LRCH1: variants seen among roughly 807,000 people sequenced by gnomAD.
LRCH1 encodes the protein leucine rich repeats and calponin homology domain containing 1.
A neutral mutation model predicts 94.9 loss-of-function variants in LRCH1; 23 were observed. That is an observed-to-expected ratio of 0.24 (90% CI 0.17 to 0.34). The LOEUF is 0.34. Ranked by LOEUF, LRCH1 falls within the 10% of genes least tolerant of loss-of-function variation. LRCH1 has a pLI of 1.00. For missense variants in LRCH1, 790 were observed against 945.9 expected (o/e 0.84, Z 2.16); for synonymous variants, 364 against 354.9 (o/e 1.03, Z -0.29).
chr13:46,564,142 G>A (rs1352844570), intron 1 of LRCH1, among the ~76,000 whole-genome samples: 1 of 152,244 alleles, frequency 6.6e-6, no homozygotes, highest in African/African-American at 2.4e-5. Context: ...TGAGGGACAT[G>A]CACAGGCCTC....
Position 46,723,215 on chromosome 13 carries a change from T to C in LRCH1, c.1760-6T>C. The C allele has an allele frequency of 9.6e-6, 15 of 1,567,448 alleles. No individual in the cohort carries two copies. Among genetic ancestry groups the C allele is most frequent in the Non-Finnish European group, 1.2e-5 (14 of 1,139,760 alleles). Reference sequence around the variant, plus strand: ...ATAAAGGCTTTTTTTCCCCTTTGTATTGTAGTGTTTCTAAGACCTCAGAGA... The same window carrying C: ...ATAAAGGCTTTTTTTCCCCTTTGTACTGTAGTGTTTCTAAGACCTCAGAGA... On this transcript the variant is annotated splice_polypyrimidine_tract_variant and splice_region_variant and intron_variant, in intron 16 of 19. Transcript: ENST00000389797.
At position 46,553,210 on chromosome 13, in the gene LRCH1, G is replaced by C; in HGVS notation, c.-187G>C. 1 of 570,290 alleles carries C rather than the reference G, an allele frequency of 1.8e-6. No individual in the cohort carries two copies. The highest frequency in any genetic ancestry group is 2.0e-5 in the South Asian group (1 of 50,870). 35.3% of individuals were successfully genotyped at this position (570,290 alleles called of 1,614,324 possible). A position where few individuals can be genotyped will look rare whatever the true frequency, so the allele number is the denominator to read the frequency against. On this transcript the variant is annotated 5_prime_UTR_variant, in exon 1 of 20. Coordinates refer to ENST00000389797, the MANE Select transcript of LRCH1 (RefSeq NM_001164211.2). ...CCGGGGACAGGAAACCTTCAAGACC[G>C]AGCTGCCACGGCCGCCTCCCCGCCC...
intron 15 of LRCH1, among the ~76,000 whole-genome samples, chr13:46,714,210 A>G (rs909184950): frequency 4.7e-4 from 72 of 152,192 alleles, no homozygotes; most frequent in African/African-American, 1.6e-3. Context: ...TGACTAACCA[A>G]TGTGGAAATT....
chr13:46,728,296 A>C (rs1264023114), intron 17 of LRCH1, among the ~76,000 whole-genome samples: 3 of 151,620 alleles, frequency 2.0e-5, no homozygotes, highest in Non-Finnish European at 4.4e-5. Context: ...TCTCACTGCA[A>C]CCTCCGCCTC....
chr13:46,621,883 C>G (rs2050884097), intron 1 of LRCH1, among the ~76,000 whole-genome samples: 1 of 152,136 alleles, frequency 6.6e-6, no homozygotes, highest in Non-Finnish European at 1.5e-5. Context: ...TTGCTTTCAT[C>G]TCTTAATCCT....
intron 1 of LRCH1, among the ~76,000 whole-genome samples, chr13:46,640,578 C>A (rs1009835189): frequency 6.6e-6 from 1 of 152,110 alleles, no homozygotes; most frequent in Non-Finnish European, 1.5e-5. Flanking sequence ...ATATTAGGGA[C>A]CTGGTCAGAG....
intron 1 of LRCH1, among the ~76,000 whole-genome samples, chr13:46,606,050 A>T (rs2050683140): frequency 6.6e-6 from 1 of 152,144 alleles, no homozygotes; most frequent in South Asian, 2.1e-4. Flanking sequence ...GACTCCAAAC[A>T]CAGCTTTCCC....
At chr13:46,557,715 TGCC>T (rs1487506446) in intron 1 of LRCH1, among the ~76,000 whole-genome samples, 1 of 151,846 alleles carries the variant, frequency 6.6e-6, no homozygotes, top group Non-Finnish European at 1.5e-5. Flanking sequence ...TGGTGGCATG[TGCC>T]TGTAATCTCA....
At chr13:46,649,463 G>A (rs958763632) in intron 1 of LRCH1, among the ~76,000 whole-genome samples, 2 of 152,210 alleles carry the variant, frequency 1.3e-5, no homozygotes, top group South Asian at 2.1e-4. Context: ...GTATGATTAC[G>A]CTGCTCTGGG....
At chr13:46,669,325 C>A (rs2051566350) in intron 3 of LRCH1, among the ~76,000 whole-genome samples, 169 bp downstream of exon 3, 2 of 152,170 alleles carry the variant, frequency 1.3e-5, no homozygotes, top group African/African-American at 4.8e-5. Context: ...TTTGAAACTT[C>A]ACTGTGACAG....
intron 3 of LRCH1, among the ~76,000 whole-genome samples, chr13:46,675,678 A>G (rs1010652554): frequency 1.3e-5 from 2 of 152,204 alleles, no homozygotes; most frequent in African/African-American, 4.8e-5. Context: ...GAGGGAGATA[A>G]CAGCGGAGGC....
At chr13:46,729,550 C>CAAA (rs61033499) in intron 18 of LRCH1, among the ~76,000 whole-genome samples, 1 of 89,142 alleles carries the variant, frequency 1.1e-5, no homozygotes, top group South Asian at 4.0e-4. Context: ...GACCCTGTCT[C>CAAA]AAAAAAAAAA....
At chr13:46,739,968 T>G (rs995418380) in intron 19 of LRCH1, among the ~76,000 whole-genome samples, 1 of 152,216 alleles carries the variant, frequency 6.6e-6, no homozygotes, top group African/African-American at 2.4e-5. Context: ...TCCTTAGGGT[T>G]CTGCGAAATG....
intron 1 of LRCH1, among the ~76,000 whole-genome samples, chr13:46,570,245 T>C (rs1566148540): frequency 6.6e-6 from 1 of 152,186 alleles, no homozygotes; most frequent in African/African-American, 2.4e-5. Context: ...TCGGTTTGAC[T>C]TGAGTTTGAC....
At position 46,577,406 on chromosome 13, in the gene LRCH1, T is replaced by G. The variant is rs1013876927; in HGVS notation, c.307+23703T>G. Among the ~76,000 whole-genome samples the G allele has an allele frequency of 5.3e-5, 8 of 152,320 alleles. 2 individuals carry two copies. The highest frequency in any genetic ancestry group is 5.2e-4 in the Admixed American group (8 of 15,300). ...AGCCACTGCACCTGGCCCCCAGTTC[T>G]TCTTTTAAAGGCATCACCTAATTAG... On this transcript the variant is annotated intron_variant, in intron 1 of 19. Coordinates refer to ENST00000389797, the MANE Select transcript of LRCH1 (RefSeq NM_001164211.2).
Position 46,621,870 on chromosome 13 carries a change from C to T in LRCH1, c.308-28331C>T, listed in dbSNP as rs566554862. The stretch of plus-strand genomic sequence containing the variant: ...AGTGGGAGGAGGTGTTGTTTTGAGA[C>T]GTTTGCTTTCATCTCTTAATCCTGC... On this transcript the variant is annotated intron_variant, in intron 1 of 19. Coordinates refer to ENST00000389797, the MANE Select transcript of LRCH1 (RefSeq NM_001164211.2). 2.2e-3 allele frequency among the ~76,000 whole-genome samples: 335 copies of T among 152,256 alleles called. 2 individuals are homozygous for T. Among genetic ancestry groups the T allele is most frequent in the Admixed American group, 4.0e-3 (61 of 15,290 alleles).
Position 46,744,117 on chromosome 13 carries a change from T to C in LRCH1, c.*2269T>C, listed in dbSNP as rs958867817. The stretch of plus-strand genomic sequence containing the variant: ...CTAATCAGAATATTAAGCTTCTCTG[T>C]GGTTTTTCTCCAAGGTACCCGTGCA... On this transcript the variant is annotated 3_prime_UTR_variant, in exon 20 of 20. Transcript: ENST00000389797. The C allele has an allele frequency of 5.1e-6, 5 of 985,302 alleles. No homozygotes were observed. The African/African-American group carries it at 5.2e-5, about 10-fold the overall frequency. 61.0% of individuals were successfully genotyped at this position (985,302 alleles called of 1,614,324 possible).
chr13:46,656,770 A>T (rs577113536), intron 2 of LRCH1, among the ~76,000 whole-genome samples: 1 of 152,324 alleles, frequency 6.6e-6, no homozygotes, highest in South Asian at 2.1e-4. Context: ...CCCTAAAATT[A>T]TTAATGTGTT....
At chr13:46,653,826 G>T (rs842409) in intron 2 of LRCH1, among the ~76,000 whole-genome samples, 147,167 of 152,212 alleles carry the variant, frequency 0.97, 71,192 homozygotes, top group East Asian at 1. Flanking sequence ...TGTCTCAAAA[G>T]AAAGAAAGAA....
Sources: gnomAD v4.1 joint callset for allele counts (sites outside exome capture counted in the v4.1 genomes callset) on GRCh38, gnomAD v4.1.1 for gene constraint, MANE v1.5 for transcripts, NCBI Gene and HGNC (gene_info 2026-07-23, HGNC 2026-07-21) for gene names.